MYEF2: variants seen among roughly 807,000 people sequenced by gnomAD.
MYEF2 encodes the protein myelin expression factor 2.
Under a neutral mutation model 75.2 loss-of-function variants are expected in MYEF2, and 37 were observed. The ratio of observed to expected loss-of-function variants is 0.49; its 90% CI spans 0.38 to 0.65. The LOEUF is 0.65. Ranked by LOEUF, MYEF2 falls within the 30% of genes least tolerant of loss-of-function variation. MYEF2 has a pLI of 0.00. For synonymous variants in MYEF2, 195 were observed against 241.6 expected, an observed-to-expected ratio of 0.81 and a Z score of 1.79; for missense variants, 634 against 771.4, an observed-to-expected ratio of 0.82 and a Z score of 2.11.
intron 1 of MYEF2, among the ~76,000 whole-genome samples, chr15:48,172,954 G>A (rs889841884): frequency 6.6e-6 from 1 of 152,164 alleles, no homozygotes; most frequent in African/African-American, 2.4e-5. Flanking sequence ...TTGTCAAACT[G>A]TTCCAAAAAA....
At position 48,158,703 on chromosome 15, in the gene MYEF2, C is replaced by G. The variant is rs1197466026; in HGVS notation, c.871+66G>C. 4 of 1,586,890 alleles carry G rather than the reference C, an allele frequency of 2.5e-6. No homozygotes were observed. The Admixed American group carries it at 6.8e-5, about 27-fold the overall frequency. On this transcript the variant is annotated intron_variant, in intron 7 of 16. Coordinates refer to ENST00000324324, the MANE Select transcript of MYEF2 (RefSeq NM_016132.5). ...CAACCTTAAATTCAATTACCCCCCGCCAAAACAAAGGTGGTATTATGCTTC... is the reference window on the plus strand; with the variant it reads ...CAACCTTAAATTCAATTACCCCCCGGCAAAACAAAGGTGGTATTATGCTTC...
intron 1 of MYEF2, 118 bp downstream of exon 1, chr15:48,177,959 G>C (rs1057302377): frequency 4.5e-6 from 6 of 1,345,846 alleles, no homozygotes; most frequent in Non-Finnish European, 5.0e-6. Flanking sequence ...CCGATGGCCC[G>C]GGGGCGGGCC....
At chr15:48,177,903 G>A (rs1477103137) in intron 1 of MYEF2, among the ~76,000 whole-genome samples, 174 bp downstream of exon 1, 1 of 152,136 alleles carries the variant, frequency 6.6e-6, no homozygotes. Flanking sequence ...TGGGGCGGGC[G>A]GGGAAGGGCC....
At position 48,135,221 on chromosome 15, in the gene MYEF2, C is replaced by T. The variant is rs1032653940; in HGVS notation, c.*7687G>A. On this transcript the variant is annotated 3_prime_UTR_variant, in exon 17 of 17. Transcript: ENST00000324324. The stretch of plus-strand genomic sequence containing the variant: ...TTTTCTCTCACTAGTCACTGGAGAC[C>T]ACCACTTTTCCTTCTCCCCACTGGC... The T allele has an allele frequency of 3.3e-5, 11 of 332,596 alleles. No individual in the cohort carries two copies. The highest frequency in any genetic ancestry group is 1.7e-3 in the Middle Eastern group (2 of 1,168). The allele number at this position is 332,596 out of a possible 1,614,324, so 20.6% of individuals were successfully genotyped here. A position where few individuals can be genotyped will look rare whatever the true frequency, so the allele number is the denominator to read the frequency against.
At chr15:48,171,584 TAA>T (rs1442545463) in intron 1 of MYEF2, among the ~76,000 whole-genome samples, 8 of 152,042 alleles carry the variant, frequency 5.3e-5, no homozygotes, top group African/African-American at 1.9e-4. Flanking sequence ...AAATTTATCT[TAA>T]GTTTCTTCCC....
At position 48,149,635 on chromosome 15, in the gene MYEF2, CAT is replaced by C; in HGVS notation, c.1379-266_1379-265del. ...CTAGCCACTGTATAAATACATTATG[CAT>C]ATATAACTGTATAAAATTGTATTCT... On this transcript the variant is annotated intron_variant, in intron 14 of 16. Coordinates refer to ENST00000324324, the MANE Select transcript of MYEF2 (RefSeq NM_016132.5). This position sits in a 1 kb window ranked among gnomAD's most constrained non-coding sequence, Gnocchi z 4.0. The C allele has an allele frequency of 4.2e-6, 1 of 239,216 alleles. No individual in the cohort carries two copies. The highest frequency in any genetic ancestry group is 7.9e-6 in the Non-Finnish European group (1 of 126,304). The allele number at this position is 239,216 out of a possible 1,614,324, so 14.8% of individuals were successfully genotyped here.
At chr15:48,174,978 T>A (rs531079980) in intron 1 of MYEF2, among the ~76,000 whole-genome samples, 1 of 152,244 alleles carries the variant, frequency 6.6e-6, no homozygotes, top group East Asian at 1.9e-4. Context: ...CAAGGAGATA[T>A]CTGCACTCCC....
chr15:48,145,297 C>A (rs535547100), intron 16 of MYEF2, among the ~76,000 whole-genome samples: 143 of 151,892 alleles, frequency 9.4e-4, no homozygotes, highest in African/African-American at 3.4e-3. Flanking sequence ...TATAAAAACA[C>A]CAACTGAAAT....
In MYEF2 at chr15:48,139,846, CTA is replaced by C. The variant is rs1347093101; in HGVS notation, c.*3060_*3061del. ...TTAACTTACAGCAGAGGTGAACAAA[CTA>C]CTGCCTGTGTGCCAACATAACCCAG... is the stretch of plus-strand genomic sequence containing the variant. On this transcript the variant is annotated 3_prime_UTR_variant, in exon 17 of 17. Transcript: ENST00000324324. 1 of 152,122 alleles carries C rather than the reference CTA, an allele frequency of 6.6e-6. No homozygotes were observed. Among genetic ancestry groups the C allele is most frequent in the Non-Finnish European group, 1.5e-5 (1 of 67,974 alleles). The allele number at this position is 152,122 out of a possible 1,614,324, so 9.4% of individuals were successfully genotyped here. A position where few individuals can be genotyped will look rare whatever the true frequency, so the allele number is the denominator to read the frequency against.
intron 1 of MYEF2, among the ~76,000 whole-genome samples, chr15:48,175,479 T>C (rs1012685025): frequency 2.0e-5 from 3 of 152,166 alleles, no homozygotes; most frequent in Non-Finnish European, 2.9e-5. Flanking sequence ...CCAAAAAATA[T>C]GGTAGCTATG....
At chr15:48,162,066 G>A (rs1259574395) in intron 5 of MYEF2, among the ~76,000 whole-genome samples, 1 of 151,518 alleles carries the variant, frequency 6.6e-6, no homozygotes, top group Non-Finnish European at 1.5e-5. Flanking sequence ...ATACATTCCT[G>A]TTAATAACTT....
At chr15:48,146,974 T>C (rs538305328) in intron 16 of MYEF2, among the ~76,000 whole-genome samples, 11 of 151,928 alleles carry the variant, frequency 7.2e-5, no homozygotes, top group Non-Finnish European at 1.3e-4. Flanking sequence ...TGTGTAAATA[T>C]GGTATTATCT....
rs1370603894 is a variant in MYEF2, at chr15:48,136,832, T to TA, written c.*6075_*6076insT. On this transcript the variant is annotated 3_prime_UTR_variant, in exon 17 of 17. Transcript: ENST00000324324. ...ATGGAGAGAAGTGAACAACAGCCAC[T>TA]GATGGGCTGGGAAGATGAAGGTCAA... 1 of 1,613,860 alleles carries TA rather than the reference T, an allele frequency of 6.2e-7. No homozygotes were observed. The highest frequency in any genetic ancestry group is 1.1e-5 in the South Asian group (1 of 91,066).
intron 14 of MYEF2, among the ~76,000 whole-genome samples, chr15:48,150,210 A>C (rs548590009): frequency 6.6e-5 from 10 of 152,144 alleles, no homozygotes; most frequent in African/African-American, 2.4e-4. Context: ...TGAATAACCA[A>C]TATAAAATCA....
At chr15:48,172,900 G>A (rs2040391926) in intron 1 of MYEF2, among the ~76,000 whole-genome samples, 1 of 152,114 alleles carries the variant, frequency 6.6e-6, no homozygotes. Flanking sequence ...AGAAGCCCAG[G>A]ACCTGGTAAA....
Position 48,158,187 on chromosome 15 carries a change from C to A in MYEF2, c.909G>T (p.Met303Ile). ...FNGQFLFDRPMHVKMDDKSVP... is the reference protein window; with the variant it reads ...FNGQFLFDRPIHVKMDDKSVP... ...TACAGGAACTCACCATTTTCACATG[C>A]ATAGGTCTATCAAATAAAAACTGCC... Residue 303 changes from methionine to isoleucine, a missense_variant, in exon 8 of 17, where the codon ATG becomes ATT. Physicochemically the swap from Met to Ile is conservative, Grantham distance 10 (BLOSUM62 1). Transcript: ENST00000324324. 1 of 1,613,056 alleles carries A rather than the reference C, an allele frequency of 6.2e-7. No homozygotes were observed. The highest frequency in any genetic ancestry group is 1.1e-5 in the South Asian group (1 of 91,024).
chr15:48,145,349 A>G (rs529499430), intron 16 of MYEF2, among the ~76,000 whole-genome samples: 3 of 152,008 alleles, frequency 2.0e-5, no homozygotes, highest in African/African-American at 7.2e-5. Flanking sequence ...GAAAAAAATT[A>G]GTTTCAAATA....
At chr15:48,154,122 C>A in intron 9 of MYEF2, 1 of 403,346 alleles carries the variant, frequency 2.5e-6, no homozygotes, top group Non-Finnish European at 4.5e-6. Flanking sequence ...TGATATAATA[C>A]AAAGTACACC....
Position 48,142,161 on chromosome 15 carries a change from TA to T in MYEF2, c.*746del. On this transcript the variant is annotated 3_prime_UTR_variant, in exon 17 of 17. Coordinates refer to ENST00000324324, the MANE Select transcript of MYEF2 (RefSeq NM_016132.5). ...CCTGCAGAAGTAAACAGCAGAGGAC[TA>T]ACTTACATAACCATCTCTCTCAACA... is the stretch of plus-strand genomic sequence containing the variant. 2 of 1,613,922 alleles carry T rather than the reference TA, an allele frequency of 1.2e-6. No homozygotes were observed.
Sources: allele counts gnomAD v4.1 joint callset (sites outside exome capture counted in the v4.1 genomes callset), GRCh38; gene constraint gnomAD v4.1.1; non-coding constraint Gnocchi (gnomAD v3.1); transcripts MANE v1.5; gene names NCBI Gene and HGNC (gene_info 2026-07-23, HGNC 2026-07-21).